Variants in COL18A1 observed in about 807,000 individuals in gnomAD.
COL18A1 encodes collagen type XVIII alpha 1 chain, also known as collagen alpha-1(XVIII) chain.
Under a neutral mutation model 168.0 loss-of-function variants are expected in COL18A1, and 133 were observed. The observed-to-expected ratio is 0.79, with a 90% CI of 0.69 to 0.91. The LOEUF (loss-of-function observed/expected upper bound fraction) is 0.91, where lower values mean the gene tolerates loss of function less well. Among genes scored for constraint, COL18A1 ranks in the 40% least tolerant of loss-of-function variants. The pLI, the probability that COL18A1 is intolerant of heterozygous loss-of-function variation, is 0.00. For synonymous variants in COL18A1, 949 were observed against 809.0 expected (o/e 1.17, Z -2.94); for missense variants, 2,126 against 1,925.4 (o/e 1.10, Z -1.95).
At position 45,439,984 on chromosome 21, in the gene COL18A1, C is replaced by T. The variant is rs190573292; in HGVS notation, c.107-28258C>T. Among the ~76,000 whole-genome samples the T allele has an allele frequency of 2.9e-3, 449 of 152,350 alleles. 4 individuals carry two copies. Among genetic ancestry groups the T allele is most frequent in the African/African-American group, 0.01 (433 of 41,580 alleles). Reference sequence around the variant, plus strand: ...GGGCTGCGCGCTGGTGCCCCGACTCCGCACCTCCCACCCCTTCTGTGGGGC... The same window carrying T: ...GGGCTGCGCGCTGGTGCCCCGACTCTGCACCTCCCACCCCTTCTGTGGGGC... On this transcript the variant is annotated intron_variant, in intron 2 of 41. Coordinates refer to ENST00000651438, the MANE Select transcript of COL18A1 (RefSeq NM_001379500.1).
chr21:45,468,501 C>G lies in COL18A1; in HGVS notation c.366C>G (p.Gly122=). The part of the protein sequence containing the change: ...TDSAQAMVLL[G]VKLSGVQDGH... ...CGGCGCAGGCCATGGTCTTGCTGGG[C>G]GTGAAGCTCTCTGGGGTGCAGGACG... Residue 122 remains glycine (G), a synonymous_variant, in exon 3 of 42, where the codon GGC becomes GGG. Coordinates refer to ENST00000651438, the MANE Select transcript of COL18A1 (RefSeq NM_001379500.1). 1 of 1,613,874 alleles carries G rather than the reference C, an allele frequency of 6.2e-7. No homozygotes were observed. Among genetic ancestry groups the G allele is most frequent in the Non-Finnish European group, 8.5e-7 (1 of 1,180,006 alleles).
At chr21:45,461,626 C>G (rs958370294) in intron 2 of COL18A1, among the ~76,000 whole-genome samples, 2 of 152,196 alleles carry the variant, frequency 1.3e-5, no homozygotes, top group Non-Finnish European at 2.9e-5. Flanking sequence ...ACATCTGTGG[C>G]ACACACGCAT....
rs922632172 is a variant in COL18A1, at chr21:45,423,977, G to T, written c.106+18504G>T. ...CAGCTGCCTCCCAGTGAATTCTGAT[G>T]CACAGACAGGGGCCTGTCCTGCCAG... On this transcript the variant is annotated intron_variant, in intron 2 of 41. Coordinates refer to ENST00000651438, the MANE Select transcript of COL18A1 (RefSeq NM_001379500.1). The surrounding 1 kb of genome is among the most constrained non-coding windows in gnomAD (Gnocchi z 4.0). 1 of 152,314 alleles carries T rather than the reference G, an allele frequency of 6.6e-6. No homozygotes were observed. The highest frequency in any genetic ancestry group is 1.5e-5 in the Non-Finnish European group (1 of 68,106). The allele number at this position is 152,314 out of a possible 1,614,324, so 9.4% of individuals were successfully genotyped here.
In COL18A1 at chr21:45,474,946, G is replaced by A. The variant is rs574622347; in HGVS notation, c.739-530G>A. Among the ~76,000 whole-genome samples the A allele has an allele frequency of 7.9e-5, 12 of 152,324 alleles. No homozygotes were observed. The East Asian group carries it at 1.5e-3, about 20-fold the overall frequency. On this transcript the variant is annotated intron_variant, in intron 4 of 41. Transcript: ENST00000651438. ...GCGGCCATGACAAGGCTGCGCCCTG[G>A]GACAGCTTGCTGGGTGCGGGGGGTC...
rs1408214690 is a variant in COL18A1 at position 45,512,388 on chromosome 21, C to G, written c.4010C>G (p.Ala1337Gly). The G allele has an allele frequency of 6.2e-7, 1 of 1,612,410 alleles. No individual in the cohort carries two copies. Among genetic ancestry groups the G allele is most frequent in the Non-Finnish European group, 8.5e-7 (1 of 1,179,762 alleles). ...TGCATTGAGAACAGCTTCATGACTG[C>G]CTCCAAGTAGCCACCGCCTGGATGC... ...VLCIENSFMT[A>G]SK Residue 1337 changes from alanine to glycine, a missense_variant, in exon 42 of 42, where the codon GCC becomes GGC. Transcript: ENST00000651438.
intron 2 of COL18A1, among the ~76,000 whole-genome samples, chr21:45,417,871 G>A (rs999455932): frequency 1.4e-4 from 21 of 152,248 alleles, no homozygotes; most frequent in Non-Finnish European, 3.1e-4. Context: ...AGAGAGAAAA[G>A]GGGGTTCTGG....
intron 28 of COL18A1, chr21:45,495,123 C>T (rs2036486795): frequency 1.5e-6 from 1 of 646,948 alleles, no homozygotes; most frequent in Non-Finnish European, 2.7e-6. Flanking sequence ...AGGAGGAAGC[C>T]CTGGAGGCAG....
intron 31 of COL18A1, 86 bp downstream of exon 31, chr21:45,497,178 G>A (rs930105054): frequency 6.0e-5 from 54 of 906,664 alleles, no homozygotes; most frequent in Non-Finnish European, 8.7e-5. Context: ...CAGCAGCAGT[G>A]AGACTCCCCC....
At chr21:45,434,578 C>T (rs903533527) in intron 2 of COL18A1, among the ~76,000 whole-genome samples, 1 of 152,202 alleles carries the variant, frequency 6.6e-6, no homozygotes, top group Non-Finnish European at 1.5e-5. Flanking sequence ...AGGGCTGTTA[C>T]AACAGCCTTT....
intron 2 of COL18A1, among the ~76,000 whole-genome samples, chr21:45,439,777 A>T (rs1201739169): frequency 6.7e-6 from 1 of 148,344 alleles, no homozygotes; most frequent in Non-Finnish European, 1.5e-5. Context: ...GGCGCCAAGC[A>T]CAGAGCCTGG....
At chr21:45,417,990 A>G (rs1180425087) in intron 2 of COL18A1, among the ~76,000 whole-genome samples, 2 of 152,186 alleles carry the variant, frequency 1.3e-5, no homozygotes, top group African/African-American at 4.8e-5. Flanking sequence ...TGGCCTTGGC[A>G]TGGCCAGTCC....
chr21:45,502,264 A>G (rs915140749), intron 32 of COL18A1, among the ~76,000 whole-genome samples: 28 of 152,324 alleles, frequency 1.8e-4, no homozygotes, highest in Non-Finnish European at 2.8e-4. Flanking sequence ...GCATGCCTCC[A>G]GGGGTGAGGT....
chr21:45,512,474 G>T lies in COL18A1; in HGVS notation c.*76G>T. On this transcript the variant is annotated 3_prime_UTR_variant, in exon 42 of 42. Transcript: ENST00000651438. ...CCCCACCGTGGGCAGGGAGCGGCCGGCCAGCCCCTGGCCCCAGGACCTGGC... is the reference window on the plus strand; with the variant it reads ...CCCCACCGTGGGCAGGGAGCGGCCGTCCAGCCCCTGGCCCCAGGACCTGGC... 7.1e-7 allele frequency: 1 copy of T among 1,404,386 alleles called. No homozygotes were observed. Among genetic ancestry groups the T allele is most frequent in the Non-Finnish European group, 9.8e-7 (1 of 1,017,302 alleles). The allele number at this position is 1,404,386 out of a possible 1,614,324, so 87.0% of individuals were successfully genotyped here. A position where few individuals can be genotyped will look rare whatever the true frequency, so the allele number is the denominator to read the frequency against.
chr21:45,415,493 GGCAGGACCATGCGCAGGGGCGGCGGA>G (rs1183373200), intron 2 of COL18A1, among the ~76,000 whole-genome samples: 1 of 152,228 alleles, frequency 6.6e-6, no homozygotes, highest in Non-Finnish European at 1.5e-5. Flanking sequence ...CAGGAGGAGG[GGCAGGACCATGCGCAGGGGCGGCGGA>G]GCGGGGCTGT....
intron 2 of COL18A1, chr21:45,456,106 C>T: frequency 6.3e-7 from 1 of 1,589,296 alleles, no homozygotes; most frequent in Non-Finnish European, 8.6e-7. Context: ...CTGCACCCAC[C>T]CCATCGCCTC....
At position 45,463,182 on chromosome 21, in the gene COL18A1, G is replaced by A. The variant is rs1780625441; in HGVS notation, c.107-5060G>A. On this transcript the variant is annotated intron_variant, in intron 2 of 41. Transcript: ENST00000651438. This position sits in a 1 kb window ranked among gnomAD's most constrained non-coding sequence, Gnocchi z 4.0. ...GGCAGCTTGCAACAACAGAGGGAGT[G>A]TAAAACAATGGCCCCACCTCCCTGT... is the stretch of plus-strand genomic sequence containing the variant. Among the ~76,000 whole-genome samples, 1 of 152,244 alleles carries A rather than the reference G, an allele frequency of 6.6e-6. No individual in the cohort carries two copies. The highest frequency in any genetic ancestry group is 1.5e-5 in the Non-Finnish European group (1 of 68,036).
chr21:45,427,201 G>A (rs924122565), intron 2 of COL18A1, among the ~76,000 whole-genome samples: 1 of 152,172 alleles, frequency 6.6e-6, no homozygotes, highest in Non-Finnish European at 1.5e-5. Context: ...TCTGTTCTCC[G>A]TGTGGGTGCC....
At chr21:45,476,731 T>C (rs1022037675) in intron 6 of COL18A1, among the ~76,000 whole-genome samples, 1 of 151,428 alleles carries the variant, frequency 6.6e-6, no homozygotes, top group African/African-American at 2.4e-5. Flanking sequence ...GTATGGTGCA[T>C]GCATGTGGGC....
At chr21:45,470,970 C>T (rs564222692) in intron 3 of COL18A1, among the ~76,000 whole-genome samples, 11 of 151,250 alleles carry the variant, frequency 7.3e-5, no homozygotes, top group African/African-American at 2.7e-4. Flanking sequence ...TGCTGCTGGG[C>T]GTGGGTGGCG....
Sources: allele counts gnomAD v4.1 joint callset (sites outside exome capture counted in the v4.1 genomes callset), GRCh38; gene constraint gnomAD v4.1.1; non-coding constraint Gnocchi (gnomAD v3.1); transcripts MANE v1.5; gene names NCBI Gene and HGNC (gene_info 2026-07-23, HGNC 2026-07-21).